RANBP17: variants seen among roughly 807,000 people sequenced by gnomAD.
RANBP17 encodes the protein RAN binding protein 17, also known as ran-binding protein 17.
RANBP17 carries 158 observed loss-of-function variants against 141.2 expected under a neutral mutation model. That is an observed-to-expected ratio of 1.12 (90% CI 0.98 to 1.28). The LOEUF (loss-of-function observed/expected upper bound fraction) is 1.28, where lower values mean the gene tolerates loss of function less well. Ranked by LOEUF, RANBP17 falls within the 50% of genes most tolerant of loss-of-function variation. The probability of loss-of-function intolerance (pLI) is 0.00; values close to 1 mark genes in which losing one functional copy is unlikely to be tolerated. For missense variants in RANBP17, 1,438 were observed against 1,290.7 expected (o/e 1.11, Z -1.75); for synonymous variants, 430 against 450.0 (o/e 0.96, Z 0.56).
chr5:171,086,133 G>A (rs1333701990), intron 14 of RANBP17, among the ~76,000 whole-genome samples: 11 of 141,278 alleles, frequency 7.8e-5, no homozygotes, highest in East Asian at 2.2e-4. Flanking sequence ...TTTGAGATAC[G>A]TCCCATCAAT....
At chr5:171,041,640 A>G (rs1365862107) in intron 14 of RANBP17, among the ~76,000 whole-genome samples, 2 of 152,164 alleles carry the variant, frequency 1.3e-5, no homozygotes, top group Admixed American at 1.3e-4. Context: ...CCTGTACAGC[A>G]TGTTACTATA....
At chr5:170,946,498 A>G (rs2127484682) in intron 12 of RANBP17, among the ~76,000 whole-genome samples, 1 of 152,266 alleles carries the variant, frequency 6.6e-6, no homozygotes, top group Admixed American at 6.5e-5. Context: ...ATTCTAAGAA[A>G]TACTACTAAT....
chr5:171,018,301 A>G (rs1030518919), intron 14 of RANBP17, among the ~76,000 whole-genome samples: 26 of 152,148 alleles, frequency 1.7e-4, no homozygotes, highest in Middle Eastern at 3.4e-3. Flanking sequence ...AAAAATGTCA[A>G]TGGTAGTTTG....
chr5:171,148,895 T>C (rs1434102659), intron 14 of RANBP17, among the ~76,000 whole-genome samples: 2 of 152,204 alleles, frequency 1.3e-5, no homozygotes, highest in Non-Finnish European at 2.9e-5. Flanking sequence ...TGAGATAAAG[T>C]ATATAAAGTG....
At chr5:170,982,293 A>G (rs1233976219) in intron 14 of RANBP17, among the ~76,000 whole-genome samples, 2 of 152,192 alleles carry the variant, frequency 1.3e-5, no homozygotes, top group Non-Finnish European at 2.9e-5. Flanking sequence ...GGTTTACTGG[A>G]TGAGAAGCCC....
chr5:171,145,839 C>T (rs1003761797), intron 14 of RANBP17, among the ~76,000 whole-genome samples: 1 of 151,974 alleles, frequency 6.6e-6, no homozygotes, highest in Non-Finnish European at 1.5e-5. Flanking sequence ...AAAAACTAAT[C>T]CCCCCAAAAG....
intron 14 of RANBP17, among the ~76,000 whole-genome samples, chr5:171,127,029 CAT>C (rs1491181391): frequency 6.6e-6 from 1 of 152,078 alleles, no homozygotes; most frequent in Non-Finnish European, 1.5e-5. Context: ...CACAAGAAAA[CAT>C]AAAAACTATA....
rs761599887 is a variant in RANBP17 at position 170,892,531 on chromosome 5, C to T, written c.401C>T (p.Ala134Val). 6.2e-7 allele frequency: 1 copy of T among 1,613,484 alleles called. No individual in the cohort carries two copies. The highest frequency in any genetic ancestry group is 2.2e-5 in the East Asian group (1 of 44,862). Residue 134 changes from alanine (A) to valine (V), a missense_variant, in exon 4 of 28, where the codon GCT becomes GTT. By Grantham distance (64) the Ala-to-Val change is moderately conservative. Transcript: ENST00000523189. ...KDQFVFREII[A>V]DVKKFLQGTV... ...CAATTTGTCTTCAGAGAAATTATTG[C>T]TGATGTGAAGAAGTTTCTCCAGGTA... is the stretch of plus-strand genomic sequence containing the variant.
At chr5:170,909,802 A>G in intron 6 of RANBP17, 37 bp downstream of exon 6, 5 of 1,075,040 alleles carry the variant, frequency 4.7e-6, no homozygotes, top group Non-Finnish European at 5.7e-6. Flanking sequence ...TAGTTAGAAT[A>G]TTTGGGAAAT....
intron 16 of RANBP17, among the ~76,000 whole-genome samples, chr5:171,181,851 A>G (rs1238201203): frequency 6.6e-6 from 1 of 152,250 alleles, no homozygotes; most frequent in Non-Finnish European, 1.5e-5. Context: ...GTGATTGATA[A>G]TTGGCAAAGA....
chr5:170,902,838 T>C (rs1334897841), intron 5 of RANBP17, among the ~76,000 whole-genome samples: 1 of 152,186 alleles, frequency 6.6e-6, no homozygotes, highest in East Asian at 1.9e-4. Context: ...TTTGCCTCGG[T>C]ATCACCAGCG....
rs148066224 is a variant in RANBP17, at chr5:171,160,940, G to A, written c.1711-9190G>A. Among the ~76,000 whole-genome samples, 317 of 152,060 alleles carry A rather than the reference G, an allele frequency of 2.1e-3. 1 individual carries two copies. The highest frequency in any genetic ancestry group is 7.1e-3 in the African/African-American group (293 of 41,498). On this transcript the variant is annotated intron_variant, in intron 14 of 27. Coordinates refer to ENST00000523189, the MANE Select transcript of RANBP17 (RefSeq NM_022897.5). The stretch of plus-strand genomic sequence containing the variant: ...CCCAAGTTGCTGAGATTACAGGCGC[G>A]TGCCACCACGCCCTGCTAATTTTTT...
intron 3 of RANBP17, among the ~76,000 whole-genome samples, chr5:170,890,626 C>T (rs975199390): frequency 3.3e-5 from 5 of 152,134 alleles, no homozygotes; most frequent in Non-Finnish European, 7.4e-5. Context: ...TCCCAAATGG[C>T]ATGCTGGCCT....
intron 14 of RANBP17, among the ~76,000 whole-genome samples, chr5:171,033,416 T>C (rs2127621150): frequency 6.6e-6 from 1 of 152,272 alleles, no homozygotes; most frequent in African/African-American, 2.4e-5. Context: ...ACTGCGTCCA[T>C]ATTAAAGAAG....
intron 14 of RANBP17, among the ~76,000 whole-genome samples, chr5:170,987,704 T>C (rs769574363): frequency 6.6e-6 from 1 of 151,774 alleles, no homozygotes; most frequent in Non-Finnish European, 1.5e-5. Flanking sequence ...GTCTTTGCTG[T>C]ATAAATAGAT....
chr5:171,099,530 C>T (rs1185679967), intron 14 of RANBP17, among the ~76,000 whole-genome samples: 1 of 152,138 alleles, frequency 6.6e-6, no homozygotes, highest in Non-Finnish European at 1.5e-5. Flanking sequence ...TCTAAATATA[C>T]AATCATGTCA....
intron 7 of RANBP17, among the ~76,000 whole-genome samples, chr5:170,913,494 G>A (rs964553713): frequency 8.6e-5 from 13 of 152,006 alleles, no homozygotes; most frequent in Non-Finnish European, 1.0e-4. Context: ...TAAGTCCAGC[G>A]AGTATTAGAA....
chr5:170,925,148 T>C (rs945031343), intron 12 of RANBP17, among the ~76,000 whole-genome samples: 5 of 152,200 alleles, frequency 3.3e-5, no homozygotes, highest in Non-Finnish European at 7.4e-5. Flanking sequence ...GAAAGCACTT[T>C]ATAGTTCTGA....
chr5:171,159,897 G>A (rs1233043576), intron 14 of RANBP17, among the ~76,000 whole-genome samples: 6 of 121,090 alleles, frequency 5.0e-5, no homozygotes, highest in Admixed American at 1.2e-4. Flanking sequence ...CAGCCTGGGC[G>A]ACAGAGTGAG....
Sources: gnomAD v4.1 joint callset for allele counts (sites outside exome capture counted in the v4.1 genomes callset) on GRCh38, gnomAD v4.1.1 for gene constraint, MANE v1.5 for transcripts, NCBI Gene and HGNC (gene_info 2026-07-23, HGNC 2026-07-21) for gene names.